SCN9A: variants seen among roughly 807,000 people sequenced by gnomAD.
SCN9A encodes sodium voltage-gated channel alpha subunit 9, also known as sodium channel protein type 9 subunit alpha.
SCN9A carries 131 observed loss-of-function variants against 187.0 expected under a neutral mutation model. The observed-to-expected ratio is 0.70, with a 90% CI of 0.61 to 0.81. The LOEUF is 0.81. Among genes scored for constraint, SCN9A ranks in the 30% least tolerant of loss-of-function variants. The probability of loss-of-function intolerance (pLI) is 0.00; values close to 1 mark genes in which losing one functional copy is unlikely to be tolerated. For synonymous variants in SCN9A, 809 were observed against 808.6 expected, an observed-to-expected ratio of 1.00 and a Z score of -0.01; for missense variants, 2,252 against 2,396.6, an observed-to-expected ratio of 0.94 and a Z score of 1.26.
chr2:166,326,225 C>G (rs1699360079), intron 1 of SCN9A, among the ~76,000 whole-genome samples: 1 of 151,998 alleles, frequency 6.6e-6, no homozygotes, highest in African/African-American at 2.4e-5. Context: ...CATTCAAAGA[C>G]AATAAGAAGT....
chr2:166,202,800 T>G (rs1348139994), intron 26 of SCN9A, among the ~76,000 whole-genome samples: 1 of 151,818 alleles, frequency 6.6e-6, no homozygotes, highest in Non-Finnish European at 1.5e-5. Context: ...TTGGCACATG[T>G]AATTTAAAAT....
chr2:166,303,378 A>G, intron 6 of SCN9A, 76 bp from the exon 7 acceptor site: 1 of 1,164,958 alleles, frequency 8.6e-7, no homozygotes, highest in Admixed American at 2.2e-5. Context: ...GCTTTCCTAG[A>G]AAGTCATGCA....
intron 17 of SCN9A, among the ~76,000 whole-genome samples, chr2:166,268,212 T>C (rs1355522024): frequency 2.0e-5 from 3 of 152,022 alleles, no homozygotes; most frequent in Non-Finnish European, 4.4e-5. Flanking sequence ...AAAAATGTTT[T>C]TGTAAATTGC....
chr2:166,279,307 T>A (rs1256055428), intron 14 of SCN9A, among the ~76,000 whole-genome samples: 1 of 152,170 alleles, frequency 6.6e-6, no homozygotes, highest in Non-Finnish European at 1.5e-5. Flanking sequence ...CTTCTGGTCT[T>A]CAAATGTCAA....
At chr2:166,308,547 G>T (rs568921105) in intron 2 of SCN9A, among the ~76,000 whole-genome samples, 51 of 152,226 alleles carry the variant, frequency 3.4e-4, no homozygotes, top group African/African-American at 1.2e-3. Flanking sequence ...GGCCTCCCCT[G>T]CCATTCAGAA....
At chr2:166,368,805 T>C (rs1700481526) in intron 1 of SCN9A, among the ~76,000 whole-genome samples, 1 of 151,636 alleles carries the variant, frequency 6.6e-6, no homozygotes, top group African/African-American at 2.4e-5. Context: ...CTGCCCAACC[T>C]GGTGAAATCC....
chr2:166,353,868 AG>A (rs1335239024), intron 1 of SCN9A, among the ~76,000 whole-genome samples: 2 of 152,174 alleles, frequency 1.3e-5, no homozygotes, highest in African/African-American at 4.8e-5. Context: ...AATTTGTCTT[AG>A]GCATGTATTA....
intron 1 of SCN9A, among the ~76,000 whole-genome samples, chr2:166,357,208 T>G (rs1700170848): frequency 6.6e-6 from 1 of 152,192 alleles, no homozygotes; most frequent in South Asian, 2.1e-4. Context: ...GTGAGGACAT[T>G]CTCTTGAATA....
chr2:166,233,461 A>G lies in SCN9A; in HGVS notation c.3803T>C (p.Val1268Ala). 6.4e-7 allele frequency: 1 copy of G among 1,563,412 alleles called. No homozygotes were observed. The highest frequency in any genetic ancestry group is 8.6e-7 in the Non-Finnish European group (1 of 1,164,564). The change falls in exon 21 of 27, where the codon GTT (valine) becomes GCT (alanine). Residue 1268 changes from valine (V) to alanine (A), a missense_variant and splice_region_variant. Coordinates refer to ENST00000642356, the MANE Select transcript of SCN9A (RefSeq NM_001365536.1). ...WCWLDFLIVD[V>A]SLVTLVANTL... is the part of the protein sequence containing the mutation. ...GTTTGCCACTAAAGTAACCAAAGAA[A>G]CCTATAAAAATAACATTTTCATTAA...
At chr2:166,359,496 T>C (rs17817547) in intron 1 of SCN9A, among the ~76,000 whole-genome samples, 9,673 of 152,214 alleles carry the variant, frequency 0.064, 441 homozygotes, top group African/African-American at 0.12. Flanking sequence ...ATACTTTTCA[T>C]TAAATACTTG....
At chr2:166,337,424 C>T (rs1699656279) in intron 1 of SCN9A, among the ~76,000 whole-genome samples, 1 of 151,920 alleles carries the variant, frequency 6.6e-6, no homozygotes, top group Non-Finnish European at 1.5e-5. Context: ...AAATGGGAGG[C>T]TGGGTTGGAA....
At chr2:166,238,387 C>T in intron 19 of SCN9A, 120 bp from the exon 20 acceptor site, 1 of 680,170 alleles carries the variant, frequency 1.5e-6, no homozygotes, top group South Asian at 2.2e-5. Context: ...TTGACATGGG[C>T]CAGCTGACAT....
rs1559019772 is a variant in SCN9A, at chr2:166,293,382, A to T, written c.966-10T>A. 1 of 1,597,728 alleles carries T rather than the reference A, an allele frequency of 6.3e-7. No individual in the cohort carries two copies. Among genetic ancestry groups the T allele is most frequent in the Non-Finnish European group, 8.5e-7 (1 of 1,171,272 alleles). ...CCCCTCTGGACACTGACTACACACG[A>T]GAAAGAACATTATAGGTGAGAGTGT... On this transcript the variant is annotated splice_polypyrimidine_tract_variant and intron_variant, in intron 8 of 26. Coordinates refer to ENST00000642356, the MANE Select transcript of SCN9A (RefSeq NM_001365536.1).
chr2:166,208,757 C>A (rs976238589), intron 24 of SCN9A, among the ~76,000 whole-genome samples: 1 of 152,094 alleles, frequency 6.6e-6, no homozygotes, highest in East Asian at 1.9e-4. Flanking sequence ...AAGCTTTGAT[C>A]AAATTATTGA....
chr2:166,226,916 A>C (rs540838434), intron 23 of SCN9A, among the ~76,000 whole-genome samples: 2 of 152,176 alleles, frequency 1.3e-5, no homozygotes, highest in Admixed American at 1.3e-4. Flanking sequence ...TTACATACTT[A>C]TGTAATAAAT....
intron 19 of SCN9A, among the ~76,000 whole-genome samples, chr2:166,241,217 G>A (rs1695552682): frequency 6.6e-6 from 1 of 152,064 alleles, no homozygotes; most frequent in South Asian, 2.1e-4. Context: ...TTAGTATAAT[G>A]AAACTTCCAG....
chr2:166,309,765 G>C (rs899486709), intron 2 of SCN9A, among the ~76,000 whole-genome samples: 8 of 143,702 alleles, frequency 5.6e-5, no homozygotes, highest in African/African-American at 1.3e-4. Flanking sequence ...AAGTTCATAT[G>C]GAACCAAAAA....
intron 19 of SCN9A, among the ~76,000 whole-genome samples, chr2:166,240,055 G>T (rs1198473685): frequency 6.6e-6 from 1 of 152,090 alleles, no homozygotes; most frequent in Non-Finnish European, 1.5e-5. Context: ...GAAAAGATAT[G>T]GTGACTTTGA....
At chr2:166,297,463 C>T (rs1293592510) in intron 7 of SCN9A, among the ~76,000 whole-genome samples, 1 of 151,720 alleles carries the variant, frequency 6.6e-6, no homozygotes, top group Non-Finnish European at 1.5e-5. Flanking sequence ...CATACTATAC[C>T]ATGGATAAAT....
Sources: allele counts gnomAD v4.1 joint callset (sites outside exome capture counted in the v4.1 genomes callset), GRCh38; gene constraint gnomAD v4.1.1; transcripts MANE v1.5; gene names NCBI Gene and HGNC (gene_info 2026-07-23, HGNC 2026-07-21).